The following MTARC2 variants were observed in gnomAD, a reference collection of about 807,000 sequenced individuals.
MTARC2 encodes the protein mitochondrial amidoxime reducing component 2, also known as MOCO sulphurase C-terminal domain containing 2.
In MTARC2, 27 loss-of-function variants were observed where a neutral mutation model predicts 35.6. The observed-to-expected ratio is 0.76, with a 90% CI of 0.56 to 1.04. The LOEUF is 1.04. Ranked by LOEUF, MTARC2 falls within the 50% of genes least tolerant of loss-of-function variation. MTARC2 has a pLI of 0.00. For synonymous variants in MTARC2, 158 were observed against 167.1 expected, an observed-to-expected ratio of 0.95 and a Z score of 0.42; for missense variants, 412 against 432.5, an observed-to-expected ratio of 0.95 and a Z score of 0.42.
chr1:220,776,671 T>C (rs1671924867), intron 4 of MTARC2, among the ~76,000 whole-genome samples: 1 of 152,210 alleles, frequency 6.6e-6, no homozygotes, highest in African/African-American at 2.4e-5. Flanking sequence ...AAACGCGGCC[T>C]TGCGGTTGTC....
intron 3 of MTARC2, among the ~76,000 whole-genome samples, chr1:220,762,235 G>T (rs1447651791): frequency 6.6e-6 from 1 of 152,156 alleles, no homozygotes; most frequent in Non-Finnish European, 1.5e-5. Flanking sequence ...GCTTATTTCA[G>T]GTGCTGGCGA....
chr1:220,764,527 C>T (rs768173186), intron 4 of MTARC2, among the ~76,000 whole-genome samples: 7 of 152,168 alleles, frequency 4.6e-5, no homozygotes, highest in Non-Finnish European at 8.8e-5. Context: ...GTGCTCATGT[C>T]TATAGTCCCA....
At position 220,755,007 on chromosome 1, in the gene MTARC2, C is replaced by T. The variant is rs552391310; in HGVS notation, c.333C>T (p.Leu111=). ...HMVTARQEPR[L]VLISIIYENN... ...TCACTGCCCGACAGGAGCCTCGCCT[C>T]GTGCTCATCTCCATCATTTATGAGA... The change falls in exon 2 of 8, where the codon CTC becomes CTT. Residue 111 remains leucine (L), a synonymous_variant. Transcript: ENST00000366913. 1.1e-5 allele frequency: 17 copies of T among 1,612,830 alleles called. No individual in the cohort carries two copies. The highest frequency in any genetic ancestry group is 2.7e-5 in the African/African-American group (2 of 74,816).
At chr1:220,776,108 T>G (rs1217608026) in intron 4 of MTARC2, among the ~76,000 whole-genome samples, 2 of 152,256 alleles carry the variant, frequency 1.3e-5, no homozygotes, top group African/African-American at 4.8e-5. Context: ...TACAGATCGC[T>G]TTCCATGGTG....
At chr1:220,759,494 G>C (rs1303488219) in intron 2 of MTARC2, among the ~76,000 whole-genome samples, 1 of 134,312 alleles carries the variant, frequency 7.4e-6, no homozygotes, top group East Asian at 2.5e-4. Context: ...CCTTCCATCG[G>C]GGGGAAGGGG....
chr1:220,756,769 A>G (rs1408260213), intron 2 of MTARC2, among the ~76,000 whole-genome samples: 1 of 152,212 alleles, frequency 6.6e-6, no homozygotes, highest in Non-Finnish European at 1.5e-5. Flanking sequence ...TTTTTCCCCC[A>G]AGGCTCTTTA....
chr1:220,778,904 C>T (rs549686124), intron 4 of MTARC2, among the ~76,000 whole-genome samples: 9 of 152,334 alleles, frequency 5.9e-5, no homozygotes, highest in African/African-American at 2.2e-4. Context: ...CTCATCTTCC[C>T]TGTCCCTCTC....
rs749638702 is a variant in MTARC2, at chr1:220,755,020, A to G, written c.346A>G (p.Ile116Val). 9 of 1,613,286 alleles carry G rather than the reference A, an allele frequency of 5.6e-6. No individual in the cohort carries two copies. In the East Asian group the frequency reaches 1.8e-4, roughly 32 times the overall value. Reference protein sequence around the residue: ...RQEPRLVLISIIYENNCLIFR... With the variant: ...RQEPRLVLISVIYENNCLIFR... ...GGAGCCTCGCCTCGTGCTCATCTCC[A>G]TCATTTATGAGAATAACTGCCTGAT... Residue 116 changes from isoleucine (I) to valine (V), a missense_variant, in exon 2 of 8, where the codon ATC becomes GTC. Physicochemically the swap from Ile to Val is conservative, Grantham distance 29. Transcript: ENST00000366913.
At chr1:220,763,147 G>C in intron 4 of MTARC2, 97 bp downstream of exon 4, 1 of 1,539,330 alleles carries the variant, frequency 6.5e-7, no homozygotes, top group Non-Finnish European at 8.9e-7. Flanking sequence ...GATCCGCCAG[G>C]GTCCAGTCAT....
chr1:220,758,463 G>A (rs117775578), intron 2 of MTARC2, among the ~76,000 whole-genome samples: 2,013 of 148,350 alleles, frequency 0.014, 32 homozygotes, highest in East Asian at 0.061. Flanking sequence ...CTTGTTGCCC[G>A]GGCTAGAGTG....
intron 4 of MTARC2, among the ~76,000 whole-genome samples, chr1:220,770,945 C>A (rs1671726483): frequency 6.6e-6 from 1 of 152,228 alleles, no homozygotes; most frequent in Non-Finnish European, 1.5e-5. Flanking sequence ...CTTTTTGTAG[C>A]CTGTTGCTGG....
At chr1:220,775,537 T>A (rs140382083) in intron 4 of MTARC2, among the ~76,000 whole-genome samples, 1 of 152,204 alleles carries the variant, frequency 6.6e-6, no homozygotes, top group Non-Finnish European at 1.5e-5. Context: ...TCTTTCCAAC[T>A]TTTATTTTAG....
At chr1:220,780,746 G>C (rs1187191914) in intron 6 of MTARC2, among the ~76,000 whole-genome samples, 1 of 152,024 alleles carries the variant, frequency 6.6e-6, no homozygotes, top group Admixed American at 6.6e-5. Context: ...ACCCAGCTTT[G>C]ATAAACTTTT....
At position 220,781,893 on chromosome 1, in the gene MTARC2, A is replaced by C. The variant is rs148666453; in HGVS notation, c.1000A>C (p.Met334Leu). 396 of 1,614,016 alleles carry C rather than the reference A, an allele frequency of 2.5e-4. 1 individual carries two copies. The highest frequency in any genetic ancestry group is 6.7e-5 in the Admixed American group (4 of 59,988). ...SLRVGDPVYR[M>L]V is the part of the protein sequence containing the mutation. ...GAGAGTTGGTGACCCTGTGTATCGG[A>C]TGGTGTAGTGATGAGTGATGGATCC... Residue 334 changes from methionine (M) to leucine (L), a missense_variant, in exon 7 of 8, where the codon ATG (methionine) becomes CTG (leucine). By Grantham distance (15) the Met-to-Leu change is conservative. Transcript: ENST00000366913.
chr1:220,753,910 C>T lies in MTARC2; in HGVS notation c.273-1037C>T, dbSNP rs149998464. Among the ~76,000 whole-genome samples the T allele has an allele frequency of 7.3e-3, 1,112 of 152,064 alleles. 11 individuals carry two copies. The highest frequency in any genetic ancestry group is 0.059 in the East Asian group (306 of 5,156). On this transcript the variant is annotated intron_variant, in intron 1 of 7. Coordinates refer to ENST00000366913, the MANE Select transcript of MTARC2 (RefSeq NM_017898.5). ...ACTAAAAGTACAAAAATTAGCTGGGCGTGGTGGTACACACCTGTAATCCCA... is the reference window on the plus strand; with the variant it reads ...ACTAAAAGTACAAAAATTAGCTGGGTGTGGTGGTACACACCTGTAATCCCA...
chr1:220,751,149 T>G (rs1386567839), intron 1 of MTARC2, among the ~76,000 whole-genome samples: 2 of 152,210 alleles, frequency 1.3e-5, no homozygotes, highest in East Asian at 3.8e-4. Flanking sequence ...TTTAATGAAT[T>G]CCATTCTGAA....
At chr1:220,761,510 T>C in intron 2 of MTARC2, 148 bp from the exon 3 acceptor site, 1 of 660,576 alleles carries the variant, frequency 1.5e-6, no homozygotes, top group Non-Finnish European at 2.5e-6. Flanking sequence ...CTCCTTTCTC[T>C]TGCACTTCTG....
intron 1 of MTARC2, among the ~76,000 whole-genome samples, chr1:220,752,834 G>T (rs115229680): frequency 0.016 from 2,390 of 152,128 alleles, 62 homozygotes; most frequent in African/African-American, 0.053. Context: ...GGGTGATAGA[G>T]TGAGACCCTG....
chr1:220,768,566 G>A (rs1219886399), intron 4 of MTARC2, among the ~76,000 whole-genome samples: 1 of 152,122 alleles, frequency 6.6e-6, no homozygotes, highest in Non-Finnish European at 1.5e-5. Context: ...ACACAACTCT[G>A]CCACCTTGTT....
Sources: allele counts gnomAD v4.1 joint callset (sites outside exome capture counted in the v4.1 genomes callset), GRCh38; gene constraint gnomAD v4.1.1; transcripts MANE v1.5; gene names NCBI Gene and HGNC (gene_info 2026-07-23, HGNC 2026-07-21).